Variants in SFMBT1 observed in about 807,000 individuals in gnomAD.
SFMBT1 encodes the protein scm-like with four MBT domains protein 1.
A neutral mutation model predicts 108.7 loss-of-function variants in SFMBT1; 32 were observed. The ratio of observed to expected loss-of-function variants is 0.29; its 90% CI spans 0.22 to 0.40. The LOEUF (loss-of-function observed/expected upper bound fraction) is 0.40, where lower values mean the gene tolerates loss of function less well. Among genes scored for constraint, SFMBT1 ranks in the 10% least tolerant of loss-of-function variants. The pLI is 1.00. For synonymous variants in SFMBT1, 348 were observed against 369.5 expected, an observed-to-expected ratio of 0.94 and a Z score of 0.67; for missense variants, 816 against 1,059.6, an observed-to-expected ratio of 0.77 and a Z score of 3.19.
chr3:53,011,704 C>T (rs1486125650), intron 1 of SFMBT1, among the ~76,000 whole-genome samples: 1 of 152,164 alleles, frequency 6.6e-6, no homozygotes, highest in Non-Finnish European at 1.5e-5. Context: ...AAAATAAATA[C>T]TGGTGCCACT....
chr3:52,966,349 G>A (rs1321679419), intron 2 of SFMBT1, among the ~76,000 whole-genome samples: 3 of 149,156 alleles, frequency 2.0e-5, no homozygotes, highest in East Asian at 2.0e-4. Context: ...GACTAAAGCC[G>A]GCGCGGTGGC....
At position 52,943,467 on chromosome 3, in the gene SFMBT1, A is replaced by G; in HGVS notation, c.250T>C (p.Tyr84His). 6.2e-7 allele frequency: 1 copy of G among 1,614,196 alleles called. No homozygotes were observed. Among genetic ancestry groups the G allele is most frequent in the African/African-American group, 1.3e-5 (1 of 75,054 alleles). Residue 84 changes from tyrosine to histidine, a missense_variant, in exon 4 of 21, where the codon TAT becomes CAT. By Grantham distance (83) the Tyr-to-His change is moderately conservative. Around this residue, in one of 5 missense-constraint regions of SFMBT1, gnomAD observed 495 missense variants for 607.4 expected, o/e 0.81. Transcript: ENST00000394752. ...CTCCGATCCTCCCCATAGCCATCAT[A>G]GCGGAGAAGGAGCAACTGCTCACAG... ...TTCEQLLLLR[Y>H]DGYGEDRRAD...
At chr3:53,002,196 C>T (rs939725600) in intron 1 of SFMBT1, among the ~76,000 whole-genome samples, 11 of 149,244 alleles carry the variant, frequency 7.4e-5, no homozygotes, top group African/African-American at 2.2e-4. Flanking sequence ...GTTAGGAGAT[C>T]GAGACCATCC....
chr3:53,031,839 T>C (rs781678953), intron 1 of SFMBT1, among the ~76,000 whole-genome samples: 5 of 152,204 alleles, frequency 3.3e-5, no homozygotes, highest in Non-Finnish European at 5.9e-5. Context: ...AAAAACATCC[T>C]GGGAGTAGGT....
intron 2 of SFMBT1, 24 bp from the exon 3 acceptor site, chr3:52,954,435 A>G: frequency 6.5e-7 from 1 of 1,547,952 alleles, no homozygotes; most frequent in Non-Finnish European, 8.9e-7. Flanking sequence ...TAAAACAAAA[A>G]CAGGTGAATC....
rs71087045 is a variant in SFMBT1, at chr3:52,991,342, C to CTTTTTTTTTTTTTT, written c.-130-22098_-130-22085dup. On this transcript the variant is annotated intron_variant, in intron 1 of 20. Coordinates refer to ENST00000394752, the MANE Select transcript of SFMBT1 (RefSeq NM_016329.4). ...ACCCAAAATTCACATGCTGAAACTT[C>CTTTTTTTTTTTTTT]TTTTTTTTTTTTTTTTTTTGAGATG... Among the ~76,000 whole-genome samples, 32 of 91,206 alleles carry CTTTTTTTTTTTTTT rather than the reference C, an allele frequency of 3.5e-4. 1 individual carries two copies. Among genetic ancestry groups the CTTTTTTTTTTTTTT allele is most frequent in the South Asian group, 4.1e-4 (1 of 2,444 alleles). 59.8% of individuals were successfully genotyped at this position (91,206 alleles called of 152,430 possible). A position where few individuals can be genotyped will look rare whatever the true frequency, so the allele number is the denominator to read the frequency against.
chr3:52,955,241 C>T (rs560587029), intron 2 of SFMBT1, among the ~76,000 whole-genome samples: 14 of 151,800 alleles, frequency 9.2e-5, no homozygotes, highest in African/African-American at 3.4e-4. Context: ...GGTGAAACCC[C>T]GTCTCTACTA....
At position 52,905,117 on chromosome 3, in the gene SFMBT1, C is replaced by A; in HGVS notation, c.*19G>T. 1 of 1,612,166 alleles carries A rather than the reference C, an allele frequency of 6.2e-7. No individual in the cohort carries two copies. Among genetic ancestry groups the A allele is most frequent in the South Asian group, 1.1e-5 (1 of 90,618 alleles). ...CTGCATTTGTGCTTCAAAGATCCAGCTCACTTTGGTTGTCCTTCTCAGTTG... is the reference window on the plus strand; with the variant it reads ...CTGCATTTGTGCTTCAAAGATCCAGATCACTTTGGTTGTCCTTCTCAGTTG... On this transcript the variant is annotated 3_prime_UTR_variant, in exon 21 of 21. Coordinates refer to ENST00000394752, the MANE Select transcript of SFMBT1 (RefSeq NM_016329.4).
chr3:52,916,095 T>C lies in SFMBT1; in HGVS notation c.1480+55A>G, dbSNP rs148520461. 2.9e-3 allele frequency: 4,086 copies of C among 1,422,582 alleles called. 141 individuals carry two copies. In the Admixed American group the frequency reaches 0.062, roughly 22 times the overall value. 88.1% of individuals were successfully genotyped at this position (1,422,582 alleles called of 1,614,324 possible). On this transcript the variant is annotated intron_variant, in intron 14 of 20. Coordinates refer to ENST00000394752, the MANE Select transcript of SFMBT1 (RefSeq NM_016329.4). ...TACTGTTTTAAGTTATTTTCAGATA[T>C]AGTCCATTAAAAGAAACTAAGTCTT... is the stretch of plus-strand genomic sequence containing the variant.
rs1239170970 is a variant in SFMBT1 at position 52,903,901 on chromosome 3, TC to T, written c.*1234del. On this transcript the variant is annotated 3_prime_UTR_variant, in exon 21 of 21. Coordinates refer to ENST00000394752, the MANE Select transcript of SFMBT1 (RefSeq NM_016329.4). ...GAATACTGAGTTGTTTAAATGGGAA[TC>T]CTCGGACTAAAGATTATATTCAATT... 2.6e-5 allele frequency: 4 copies of T among 152,192 alleles called. No individual in the cohort carries two copies. The highest frequency in any genetic ancestry group is 5.9e-5 in the Non-Finnish European group (4 of 68,030). 9.4% of individuals were successfully genotyped at this position (152,192 alleles called of 1,614,324 possible). A position where few individuals can be genotyped will look rare whatever the true frequency, so the allele number is the denominator to read the frequency against.
rs1702523785 is a variant in SFMBT1 at position 52,921,696 on chromosome 3, G to A, written c.1258+9C>T. 1.2e-6 allele frequency: 2 copies of A among 1,613,696 alleles called. No individual in the cohort carries two copies. The highest frequency in any genetic ancestry group is 8.5e-7 in the Non-Finnish European group (1 of 1,179,854). On this transcript the variant is annotated intron_variant, in intron 11 of 20. Transcript: ENST00000394752. ...GCCACAGGAAGGCTTCTAGAGTGCT[G>A]GCACTCACCCTCCAGCTGGAGCCAC...
chr3:52,935,814 C>T (rs891456776), intron 4 of SFMBT1, among the ~76,000 whole-genome samples: 3 of 152,166 alleles, frequency 2.0e-5, no homozygotes, highest in African/African-American at 7.2e-5. Flanking sequence ...TTCTTTTCAT[C>T]AGTAGGTTTC....
intron 2 of SFMBT1, among the ~76,000 whole-genome samples, chr3:52,961,750 A>G (rs2710327): frequency 0.98 from 149,910 of 152,328 alleles, 73,823 homozygotes; most frequent in Middle Eastern, 1. Flanking sequence ...TAATAAAGAC[A>G]GCTTTGAGGG....
intron 1 of SFMBT1, among the ~76,000 whole-genome samples, chr3:52,999,483 G>A (rs1698462895): frequency 6.6e-6 from 1 of 150,408 alleles, no homozygotes; most frequent in Non-Finnish European, 1.5e-5. Flanking sequence ...TAGTCAAGGA[G>A]CTCGGGACAT....
chr3:53,028,549 A>G (rs1699572775), intron 1 of SFMBT1, among the ~76,000 whole-genome samples: 1 of 152,094 alleles, frequency 6.6e-6, no homozygotes, highest in South Asian at 2.1e-4. Context: ...TGCTTGTACC[A>G]CTAGTCCCAG....
intron 2 of SFMBT1, among the ~76,000 whole-genome samples, chr3:52,962,808 C>CAAAAAAAAAAAAAAAAAA (rs369325114): frequency 4.9e-5 from 5 of 101,460 alleles, no homozygotes; most frequent in African/African-American, 1.6e-4. Flanking sequence ...CTCCCTGTCT[C>CAAAAAAAAAAAAAAAAAA]AAAAAAAAAA....
At chr3:52,993,649 G>A (rs1482599591) in intron 1 of SFMBT1, among the ~76,000 whole-genome samples, 2 of 149,548 alleles carry the variant, frequency 1.3e-5, no homozygotes, top group Non-Finnish European at 3.0e-5. Context: ...TACTGTGACA[G>A]TATTTAAAAC....
At chr3:53,006,038 T>C (rs1173592280) in intron 1 of SFMBT1, among the ~76,000 whole-genome samples, 1 of 152,110 alleles carries the variant, frequency 6.6e-6, no homozygotes, top group East Asian at 1.9e-4. Context: ...CCAACAAGTT[T>C]ATTGGACTCT....
At chr3:52,958,598 AT>A in intron 2 of SFMBT1, among the ~76,000 whole-genome samples, 1 of 152,232 alleles carries the variant, frequency 6.6e-6, no homozygotes, top group South Asian at 2.1e-4. Context: ...CTCAAAAAAA[AT>A]AAATTAAATT....
Sources: allele counts gnomAD v4.1 joint callset (sites outside exome capture counted in the v4.1 genomes callset), GRCh38; gene constraint gnomAD v4.1.1; regional missense constraint gnomAD v4.1.1; transcripts MANE v1.5; gene names NCBI Gene and HGNC (gene_info 2026-07-23, HGNC 2026-07-21).